The following AMD1 variants were observed in gnomAD, a reference collection of about 807,000 sequenced individuals.
AMD1 encodes the protein S-adenosylmethionine decarboxylase proenzyme.
AMD1 carries 11 observed loss-of-function variants against 40.2 expected under a neutral mutation model. That is an observed-to-expected ratio of 0.27 (90% CI 0.17 to 0.45). The LOEUF is 0.45. Among genes scored for constraint, AMD1 ranks in the 20% least tolerant of loss-of-function variants. The pLI is 1.00. For synonymous variants in AMD1, 121 were observed against 130.8 expected (o/e 0.93, Z 0.51); for missense variants, 257 against 410.2 (o/e 0.63, Z 3.23).
the AMD1 span, among the ~76,000 whole-genome samples, chr6:110,847,715 G>GTT: frequency 8.5e-5 from 12 of 141,828 alleles, 1 homozygote; most frequent in Non-Finnish European, 1.1e-4. Context: ...TTTGTTTTTT[G>GTT]TTTTTTGTTT....
chr6:110,844,064 AT>A, the AMD1 span, among the ~76,000 whole-genome samples: 12 of 152,052 alleles, frequency 7.9e-5, no homozygotes, highest in Non-Finnish European at 1.6e-4. Flanking sequence ...ATGTTTAAGG[AT>A]TCATTATCCT....
the AMD1 span, chr6:110,859,189 A>C: frequency 1.2e-6 from 1 of 867,302 alleles, no homozygotes; most frequent in Non-Finnish European, 1.7e-6. Context: ...TCCCCGTCTG[A>C]GTTTCTGGGT....
upstream of AMD1, among the ~76,000 whole-genome samples, chr6:110,870,169 C>G (rs1396786684): frequency 6.6e-6 from 1 of 152,166 alleles, no homozygotes; most frequent in African/African-American, 2.4e-5. Context: ...TATGGAGAAC[C>G]CTGATTGTAG....
the AMD1 span, among the ~76,000 whole-genome samples, chr6:110,846,639 A>C: frequency 6.6e-6 from 1 of 152,162 alleles, no homozygotes; most frequent in East Asian, 1.9e-4. Context: ...TGGGAGCCTG[A>C]GGCAGGTGGA....
the AMD1 span, among the ~76,000 whole-genome samples, chr6:110,826,688 CTT>C: frequency 6.2e-4 from 82 of 131,328 alleles, no homozygotes; most frequent in East Asian, 9.4e-4. Context: ...TCTTTTCTTT[CTT>C]TTTTTTTTTT....
the AMD1 span, chr6:110,815,248 C>T: frequency 8.4e-7 from 1 of 1,183,758 alleles, no homozygotes; most frequent in Non-Finnish European, 1.1e-6. Flanking sequence ...CTCTCGCGCG[C>T]GCGCGCGCGC....
chr6:110,892,886 AAC>A, intron 7 of AMD1, 22 bp from the exon 8 acceptor site: 1 of 1,613,226 alleles, frequency 6.2e-7, no homozygotes, highest in Non-Finnish European at 8.5e-7. Flanking sequence ...TTCCATTCTT[AAC>A]ACTGTGAACT....
At chr6:110,821,978 A>G in the AMD1 span, among the ~76,000 whole-genome samples, 1 of 152,228 alleles carries the variant, frequency 6.6e-6, no homozygotes, top group African/African-American at 2.4e-5. Context: ...TCAGAGCAGA[A>G]CTAAATGAAA....
the AMD1 span, among the ~76,000 whole-genome samples, chr6:110,861,357 C>CAA: frequency 8.2e-5 from 8 of 97,232 alleles, no homozygotes; most frequent in Non-Finnish European, 1.7e-4. Flanking sequence ...GACTCCGTCT[C>CAA]AAAAAAAAAA....
chr6:110,881,431 G>T (rs1369728030), intron 1 of AMD1, among the ~76,000 whole-genome samples: 1 of 152,110 alleles, frequency 6.6e-6, no homozygotes, highest in African/African-American at 2.4e-5. Flanking sequence ...GATCAGAGAG[G>T]TGGCATTTAA....
At chr6:110,877,366 A>T (rs978247699) in intron 1 of AMD1, among the ~76,000 whole-genome samples, 1 of 152,258 alleles carries the variant, frequency 6.6e-6, no homozygotes, top group Admixed American at 6.5e-5. Flanking sequence ...ATTTACCAGG[A>T]TGTTTAAAAA....
chr6:110,838,751 C>T, the AMD1 span, among the ~76,000 whole-genome samples: 1 of 152,008 alleles, frequency 6.6e-6, no homozygotes, highest in Admixed American at 6.6e-5. Context: ...CCGAGCAACT[C>T]GAGAGGCTGA....
At chr6:110,841,849 C>T in the AMD1 span, among the ~76,000 whole-genome samples, 3 of 152,092 alleles carry the variant, frequency 2.0e-5, 1 homozygote, top group Non-Finnish European at 4.4e-5. Flanking sequence ...GTTCCCCAGG[C>T]TGGAGTGCAG....
At chr6:110,849,699 G>A in the AMD1 span, among the ~76,000 whole-genome samples, 1 of 152,064 alleles carries the variant, frequency 6.6e-6, no homozygotes, top group Non-Finnish European at 1.5e-5. Flanking sequence ...TAGGAGCACT[G>A]GAGAATAGAA....
chr6:110,890,036 C>T (rs915388017), intron 3 of AMD1: 3 of 440,702 alleles, frequency 6.8e-6, no homozygotes, highest in African/African-American at 6.2e-5. Context: ...AGAGATGGGG[C>T]CTCAGTATGT....
intron 1 of AMD1, among the ~76,000 whole-genome samples, chr6:110,884,863 A>G (rs1462374969): frequency 6.6e-6 from 1 of 152,202 alleles, no homozygotes; most frequent in Non-Finnish European, 1.5e-5. Flanking sequence ...CAGTGGGTAA[A>G]AAGGAGTATG....
the AMD1 span, among the ~76,000 whole-genome samples, chr6:110,863,348 A>C: frequency 1.5e-4 from 22 of 149,986 alleles, no homozygotes; most frequent in South Asian, 6.4e-4. Flanking sequence ...TAACTCTGGG[A>C]AACATAAACC....
At chr6:110,814,954 G>A in the AMD1 span, 4 of 1,593,206 alleles carry the variant, frequency 2.5e-6, no homozygotes, top group African/African-American at 4.2e-5. Context: ...ATCCCGCCAG[G>A]TCGCGGGCAG....
chr6:110,892,261 A>G (rs770614898), intron 5 of AMD1, 38 bp from the exon 6 acceptor site: 5 of 1,613,588 alleles, frequency 3.1e-6, no homozygotes, highest in South Asian at 1.1e-5. Context: ...TAAACTGCCA[A>G]TTGTCATTTT....
Sources: gnomAD v4.1 joint callset for allele counts (sites outside exome capture counted in the v4.1 genomes callset) on GRCh38, gnomAD v4.1.1 for gene constraint, MANE v1.5 for transcripts, NCBI Gene and HGNC (gene_info 2026-07-23, HGNC 2026-07-21) for gene names.